Variants in TDRD6 observed in about 807,000 individuals in gnomAD.
The protein encoded by TDRD6 is tudor domain-containing protein 6.
TDRD6 carries 186 observed loss-of-function variants against 157.5 expected under a neutral mutation model. The observed-to-expected ratio is 1.18, with a 90% CI of 1.05 to 1.33. The LOEUF is 1.33. Among genes scored for constraint, TDRD6 ranks in the 40% most tolerant of loss-of-function variants. The pLI, the probability that TDRD6 is intolerant of heterozygous loss-of-function variation, is 0.00. For missense variants in TDRD6, 3,066 were observed against 2,508.0 expected (o/e 1.22, Z -4.75); for synonymous variants, 1,075 against 945.2 (o/e 1.14, Z -2.52).
rs751545340 is a variant in TDRD6, at chr6:46,689,096, A to G, written c.968A>G (p.Asp323Gly). 9 of 1,614,104 alleles carry G rather than the reference A, an allele frequency of 5.6e-6. No individual in the cohort carries two copies. Among genetic ancestry groups the G allele is most frequent in the Non-Finnish European group, 7.6e-6 (9 of 1,180,022 alleles). The change falls in exon 1 of 4, where the codon GAT (aspartate) becomes GGT (glycine). Residue 323 changes from aspartate (D) to glycine (G), a missense_variant. Transcript: ENST00000316081. ...TCTCCGTGTGCATCCTGTGGCCTGGATGGACATTGGTACAGAGCACTGTTG... is the reference window on the plus strand; with the variant it reads ...TCTCCGTGTGCATCCTGTGGCCTGGGTGGACATTGGTACAGAGCACTGTTG... The part of the protein sequence containing the change: ...PGSPCASCGL[D>G]GHWYRALLLE...
chr6:46,691,361 T>C lies in TDRD6; in HGVS notation c.3233T>C (p.Leu1078Pro). ...GNIYVVTSDDLLPIPSDAYDV... is the reference protein window; with the variant it reads ...GNIYVVTSDDPLPIPSDAYDV... Reference sequence around the variant, plus strand: ...ATTTATGTAGTAACAAGTGATGATCTGCTTCCAATACCTAGTGATGCATAT... The same window carrying C: ...ATTTATGTAGTAACAAGTGATGATCCGCTTCCAATACCTAGTGATGCATAT... Residue 1078 changes from leucine (L) to proline (P), a missense_variant, in exon 1 of 4, where the codon CTG (leucine) becomes CCG (proline). Transcript: ENST00000316081. 6.2e-7 allele frequency: 1 copy of C among 1,614,100 alleles called. No homozygotes were observed. The highest frequency in any genetic ancestry group is 8.5e-7 in the Non-Finnish European group (1 of 1,179,946).
rs1562058226 is a variant in TDRD6 at position 46,693,396 on chromosome 6, A to C, written c.5268A>C (p.Lys1756Asn). ...ATGAGCTTGCTGAAATAACTGAAAA[A>C]GATGTAAACATTATTGGAACCAAAC... is the stretch of plus-strand genomic sequence containing the variant. ...QTDELAEITE[K>N]DVNIIGTKPS... Residue 1756 changes from lysine to asparagine, a missense_variant, in exon 1 of 4, where the codon AAA becomes AAC. Physicochemically the swap from Lys to Asn is moderately conservative, Grantham distance 94 (BLOSUM62 0). Transcript: ENST00000316081. The C allele has an allele frequency of 6.2e-7, 1 of 1,613,120 alleles. No homozygotes were observed.
Position 46,692,736 on chromosome 6 carries a change from T to G in TDRD6, c.4608T>G (p.Cys1536Trp). Residue 1536 changes from cysteine to tryptophan, a missense_variant, in exon 1 of 4, where the codon TGT becomes TGG. Physicochemically the swap from Cys to Trp is radical, Grantham distance 215. Transcript: ENST00000316081. ...TVIDGPEYFW[C>W]QFADTEKLQC... ...TAGATGGACCTGAGTACTTTTGGTG[T>G]CAGTTTGCTGATACGGAGAAACTTC... The G allele has an allele frequency of 6.2e-7, 1 of 1,614,172 alleles. No individual in the cohort carries two copies. The highest frequency in any genetic ancestry group is 1.1e-5 in the South Asian group (1 of 91,080).
At chr6:46,696,795 TAG>T (rs1266104923) in intron 2 of TDRD6, among the ~76,000 whole-genome samples, 4 of 150,392 alleles carry the variant, frequency 2.7e-5, no homozygotes, top group African/African-American at 7.4e-5. Flanking sequence ...GTATTTTTAG[TAG>T]AGACGGGGTT....
rs1764273932 is a variant in TDRD6, at chr6:46,690,458, G to T, written c.2330G>T (p.Arg777Ile). Residue 777 changes from arginine to isoleucine, a missense_variant, in exon 1 of 4, where the codon AGA becomes ATA. Physicochemically the swap from Arg to Ile is moderately conservative, Grantham distance 97. Coordinates refer to ENST00000316081, the MANE Select transcript of TDRD6 (RefSeq NM_001010870.3). ...ELEVGSTVEV[R>I]VSYVENPGYF... ...GAAGTTGGAAGTACAGTAGAAGTCA[G>T]AGTGTCTTATGTTGAAAACCCTGGC... The T allele has an allele frequency of 1.2e-6, 2 of 1,614,012 alleles. No individual in the cohort carries two copies. The highest frequency in any genetic ancestry group is 2.7e-5 in the African/African-American group (2 of 74,944).
At position 46,699,464 on chromosome 6, in the gene TDRD6, G is replaced by GA. The variant is rs1392304876; in HGVS notation, c.6261+1386dup. 7.2e-4 allele frequency among the ~76,000 whole-genome samples: 109 copies of GA among 150,394 alleles called. 3 individuals are homozygous for GA. In the East Asian group the frequency reaches 0.014, roughly 19 times the overall value. ...GTTAGCCACCCTCAGGGCAGGGCCA[G>GA]AAAAAAAAATAGAAATAAACATAAC... On this transcript the variant is annotated intron_variant, in intron 3 of 3. Transcript: ENST00000316081.
chr6:46,699,284 G>A (rs1252266337), intron 3 of TDRD6, among the ~76,000 whole-genome samples: 1 of 152,116 alleles, frequency 6.6e-6, no homozygotes, highest in Non-Finnish European at 1.5e-5. Flanking sequence ...GCCCGTAAGA[G>A]CGAAGCAGAT....
In TDRD6 at chr6:46,692,559, T is replaced by G. The variant is rs372666834; in HGVS notation, c.4431T>G (p.Tyr1477Ter). 24 of 1,613,808 alleles carry G rather than the reference T, an allele frequency of 1.5e-5. No homozygotes were observed. Among genetic ancestry groups the G allele is most frequent in the South Asian group, 3.3e-5 (3 of 91,076 alleles). ...GIIADDMISRYALSEKSQVEL... is the reference protein window; with the variant it reads ...GIIADDMISR ...TAGCAGATGATATGATTAGCAGGTA[T>G]GCTCTCAGTGAAAAATCTCAAGTAG... Residue 1477 changes from tyrosine (Y) to a stop codon, truncating the protein, a stop_gained, in exon 1 of 4, where the codon TAT (tyrosine) becomes TAG (stop). Transcript: ENST00000316081. LOFTEE classifies it high-confidence loss of function.
At position 46,691,747 on chromosome 6, in the gene TDRD6, G is replaced by T. The variant is rs761813208; in HGVS notation, c.3619G>T (p.Glu1207Ter). The T allele has an allele frequency of 3.8e-6, 6 of 1,591,492 alleles. No homozygotes were observed. Among genetic ancestry groups the T allele is most frequent in the South Asian group, 2.3e-5 (2 of 86,680 alleles). Reference sequence around the variant, plus strand: ...AGTAGGGTACAAGTTACCTAATAAAGAAATTTTGGAAGAGTCATATAAACC... The same window carrying T: ...AGTAGGGTACAAGTTACCTAATAAATAAATTTTGGAAGAGTCATATAAACC... ...KSVGYKLPNKEILEESYKPQI... is the reference protein window; with the variant it reads ...KSVGYKLPNK Residue 1207 changes from glutamate to a stop codon, truncating the protein, a stop_gained, in exon 1 of 4, where the codon GAA (glutamate) becomes TAA (stop). Transcript: ENST00000316081. LOFTEE classifies it high-confidence loss of function.
In TDRD6 at chr6:46,689,738, C is replaced by T. The variant is rs371406826; in HGVS notation, c.1610C>T (p.Pro537Leu). The change falls in exon 1 of 4, where the codon CCT (proline) becomes CTT (leucine). Residue 537 changes from proline to leucine, a missense_variant. Pro to Leu is a moderately conservative substitution (Grantham distance 98). Transcript: ENST00000316081. ...ASKLDGVVLK[P>L]EPDDLCCVKW... ...AAGCTGGATGGTGTAGTTTTGAAAC[C>T]TGAACCTGATGACCTTTGCTGTGTC... 47 of 1,613,944 alleles carry T rather than the reference C, an allele frequency of 2.9e-5. No individual in the cohort carries two copies. The highest frequency in any genetic ancestry group is 1.7e-4 in the Admixed American group (10 of 59,996).
chr6:46,683,642 T>C (rs1380997680), upstream of TDRD6, among the ~76,000 whole-genome samples: 2 of 152,096 alleles, frequency 1.3e-5, no homozygotes, highest in African/African-American at 2.4e-5. Context: ...AAAAACCTAA[T>C]TTAAGATTTT....
At chr6:46,695,756 C>T in intron 1 of TDRD6, 65 bp from the exon 2 acceptor site, 3 of 1,507,550 alleles carry the variant, frequency 2.0e-6, no homozygotes, top group Non-Finnish European at 2.7e-6. Context: ...AAATGCTTTG[C>T]TTGTGTATGT....
rs1221560036 is a variant in TDRD6 at position 46,690,824 on chromosome 6, A to T, written c.2696A>T (p.Asp899Val). ...QPVGQNPFVWDVKAIQAFNEF... is the reference protein window; with the variant it reads ...QPVGQNPFVWVVKAIQAFNEF... ...GTTGGCCAGAATCCCTTTGTTTGGGATGTAAAGGCAATACAAGCTTTCAAT... is the reference window on the plus strand; with the variant it reads ...GTTGGCCAGAATCCCTTTGTTTGGGTTGTAAAGGCAATACAAGCTTTCAAT... Residue 899 changes from aspartate (D) to valine (V), a missense_variant, in exon 1 of 4, where the codon GAT (aspartate) becomes GTT (valine). Transcript: ENST00000316081. 6.2e-7 allele frequency: 1 copy of T among 1,613,970 alleles called. No homozygotes were observed. Among genetic ancestry groups the T allele is most frequent in the Non-Finnish European group, 8.5e-7 (1 of 1,179,994 alleles).
Position 46,704,263 on chromosome 6 carries a change from T to TCAG in TDRD6, c.*2376_*2377insCAG, listed in dbSNP as rs1764706120. The TCAG allele has an allele frequency of 3.0e-4, 92 of 311,148 alleles. 1 individual carries two copies. The South Asian group carries it at 3.5e-3, about 12-fold the overall frequency. The allele number at this position is 311,148 out of a possible 1,614,324, so 19.3% of individuals were successfully genotyped here. On this transcript the variant is annotated 3_prime_UTR_variant, in exon 4 of 4. Coordinates refer to ENST00000316081, the MANE Select transcript of TDRD6 (RefSeq NM_001010870.3). The stretch of plus-strand genomic sequence containing the variant: ...TGTCAAAGTAATGTAAAAACAGTTT[T>TCAG]TAACTTCGACACTGAAAAGGAATCA...
rs762843276 is a variant in TDRD6 at position 46,692,325 on chromosome 6, C to T, written c.4197C>T (p.Asn1399=). 6 of 1,614,128 alleles carry T rather than the reference C, an allele frequency of 3.7e-6. No individual in the cohort carries two copies. The South Asian group carries it at 6.6e-5, about 18-fold the overall frequency. Residue 1399 remains asparagine (N), a synonymous_variant, in exon 1 of 4, where the codon AAC becomes AAT. Transcript: ENST00000316081. The part of the protein sequence containing the change: ...DYGNVSVVHT[N]KIGRLDLVNA... Reference sequence around the variant, plus strand: ...GCAATGTTTCTGTGGTTCATACTAACAAAATAGGTAGGCTTGACCTTGTTA... The same window carrying T: ...GCAATGTTTCTGTGGTTCATACTAATAAAATAGGTAGGCTTGACCTTGTTA...
the TDRD6 span, among the ~76,000 whole-genome samples, chr6:46,681,143 A>G: frequency 1.3e-5 from 2 of 152,202 alleles, no homozygotes; most frequent in Non-Finnish European, 2.9e-5. Context: ...ATTTATACAC[A>G]TGATTAAATC....
At chr6:46,686,509 G>A (rs11961117), upstream of TDRD6, among the ~76,000 whole-genome samples, 15,169 of 149,804 alleles carry the variant, frequency 0.1, 976 homozygotes, top group Middle Eastern at 0.18. Context: ...AACCAATTCT[G>A]CCAGGTTGAA....
At chr6:46,699,944 A>T (rs1193099373) in intron 3 of TDRD6, among the ~76,000 whole-genome samples, 1 of 152,194 alleles carries the variant, frequency 6.6e-6, no homozygotes, top group African/African-American at 2.4e-5. Flanking sequence ...CATTTCCCAT[A>T]GTGTTGGATA....
chr6:46,701,798 A>G, intron 3 of TDRD6, 60 bp from the exon 4 acceptor site: 1 of 1,580,976 alleles, frequency 6.3e-7, no homozygotes, highest in East Asian at 2.2e-5. Flanking sequence ...ACCCATGGAA[A>G]TAAATTTTTT....
Sources: allele counts gnomAD v4.1 joint callset (sites outside exome capture counted in the v4.1 genomes callset), GRCh38; gene constraint gnomAD v4.1.1; transcripts MANE v1.5; gene names NCBI Gene and HGNC (gene_info 2026-07-23, HGNC 2026-07-21).